Variants in JMJD1C observed in about 807,000 individuals in gnomAD.
JMJD1C encodes jumonji domain-containing protein 1C.
A neutral mutation model predicts 245.3 loss-of-function variants in JMJD1C; 31 were observed. The ratio of observed to expected loss-of-function variants is 0.13; its 90% CI spans 0.09 to 0.17. JMJD1C has a LOEUF of 0.17. Ranked by LOEUF, JMJD1C falls within the 10% of genes least tolerant of loss-of-function variation. The probability of loss-of-function intolerance (pLI) is 1.00; values close to 1 mark genes in which losing one functional copy is unlikely to be tolerated. For synonymous variants in JMJD1C, 1,057 were observed against 1,017.4 expected (o/e 1.04, Z -0.74); for missense variants, 2,691 against 3,000.2 (o/e 0.90, Z 2.41).
intron 1 of JMJD1C, among the ~76,000 whole-genome samples, chr10:63,476,189 G>A (rs1164336714): frequency 1.3e-5 from 2 of 150,634 alleles, no homozygotes; most frequent in African/African-American, 4.9e-5. Flanking sequence ...CAGCCTGGGC[G>A]ACAGAATGAG....
chr10:63,306,592 T>C (rs1000511234), intron 2 of JMJD1C, among the ~76,000 whole-genome samples: 5 of 152,206 alleles, frequency 3.3e-5, no homozygotes, highest in Admixed American at 1.3e-4. Flanking sequence ...AGTGTATATA[T>C]ACCTAGGCTT....
intron 1 of JMJD1C, among the ~76,000 whole-genome samples, chr10:63,458,178 A>G (rs1195445636): frequency 6.6e-6 from 1 of 152,182 alleles, no homozygotes; most frequent in Non-Finnish European, 1.5e-5. Context: ...TCAGATTAAG[A>G]ATTTTATATC....
Position 63,192,916 on chromosome 10 carries a change from CTAGA to C in JMJD1C, c.6076+18_6076+21del, listed in dbSNP as rs765688549. ...TATACTATACTCCTCTCACACATGC[CTAGA>C]TAATCAATTATGTTTACCTTTTTTT... On this transcript the variant is annotated intron_variant, in intron 16 of 25. Coordinates refer to ENST00000399262, the MANE Select transcript of JMJD1C (RefSeq NM_032776.3). 1.9e-6 allele frequency: 3 copies of C among 1,555,474 alleles called. No homozygotes were observed. The highest frequency in any genetic ancestry group is 1.1e-5 in the South Asian group (1 of 89,820).
chr10:63,229,516 A>G (rs1849715640), intron 3 of JMJD1C, among the ~76,000 whole-genome samples: 1 of 152,178 alleles, frequency 6.6e-6, no homozygotes. Flanking sequence ...AATCAAGAAG[A>G]TAATATAAAA....
At chr10:63,403,843 G>A (rs566936182) in intron 1 of JMJD1C, among the ~76,000 whole-genome samples, 2 of 152,318 alleles carry the variant, frequency 1.3e-5, no homozygotes, top group South Asian at 4.1e-4. Context: ...AGCTGAGGCA[G>A]GAGAATCATT....
rs536445125 is a variant in JMJD1C at position 63,174,824 on chromosome 10, G to C, written c.7401+1473C>G. On this transcript the variant is annotated intron_variant, in intron 24 of 25. Coordinates refer to ENST00000399262, the MANE Select transcript of JMJD1C (RefSeq NM_032776.3). ...GCTCTAGCCTGGGCAACAAGAGCAA[G>C]ACTCTGTCTCAAAAAAACAAAAAAC... Among the ~76,000 whole-genome samples the C allele has an allele frequency of 6.0e-5, 9 of 150,996 alleles. No homozygotes were observed. In the South Asian group the frequency reaches 1.9e-3, roughly 32 times the overall value.
chr10:63,220,959 A>G (rs1325420547), intron 3 of JMJD1C, among the ~76,000 whole-genome samples: 1 of 151,434 alleles, frequency 6.6e-6, no homozygotes, highest in Non-Finnish European at 1.5e-5. Context: ...ATACAAAAAA[A>G]TATTAGCTGG....
chr10:63,193,471 A>C lies in JMJD1C; in HGVS notation c.5736T>G (p.Val1912=). Residue 1912 remains valine (V), a splice_region_variant and synonymous_variant, in exon 15 of 26, where the codon GTT becomes GTG. Transcript: ENST00000399262. The stretch of plus-strand genomic sequence containing the variant: ...GCATGGCATCTAGAAGATCTGTCAA[A>C]ACTACAAAATAAAATGGTAGTTAAT... The part of the protein sequence containing the change: ...LMPTQIIPGS[V]LTDLLDAMHT... 2.5e-6 allele frequency: 4 copies of C among 1,577,800 alleles called. No homozygotes were observed. Among genetic ancestry groups the C allele is most frequent in the Non-Finnish European group, 8.6e-7 (1 of 1,162,432 alleles).
intron 2 of JMJD1C, among the ~76,000 whole-genome samples, chr10:63,373,699 C>G (rs1464127623): frequency 6.6e-6 from 1 of 152,208 alleles, no homozygotes; most frequent in Non-Finnish European, 1.5e-5. Flanking sequence ...TTAGTTTCTA[C>G]TGTTTCATTC....
At chr10:63,324,230 A>G (rs907596443) in intron 2 of JMJD1C, among the ~76,000 whole-genome samples, 1 of 151,880 alleles carries the variant, frequency 6.6e-6, no homozygotes, top group Non-Finnish European at 1.5e-5. Context: ...TGCTTACAAC[A>G]TAAAATGAAC....
intron 2 of JMJD1C, among the ~76,000 whole-genome samples, chr10:63,308,550 G>A (rs1403708539): frequency 6.7e-6 from 1 of 148,688 alleles, no homozygotes; most frequent in East Asian, 2.0e-4. Flanking sequence ...ACAAAACCAA[G>A]ATTTGTATTA....
intron 1 of JMJD1C, among the ~76,000 whole-genome samples, chr10:63,431,780 G>A (rs917436045): frequency 1.1e-4 from 17 of 152,178 alleles, no homozygotes; most frequent in Admixed American, 4.6e-4. Flanking sequence ...TTGGGAGGCC[G>A]AGGCGGGCGG....
chr10:63,461,730 T>C (rs1952812824), intron 1 of JMJD1C, among the ~76,000 whole-genome samples: 1 of 152,146 alleles, frequency 6.6e-6, no homozygotes, highest in South Asian at 2.1e-4. Flanking sequence ...ACATATTTTA[T>C]TAAATACTTA....
At chr10:63,420,793 G>A (rs1950082401) in intron 1 of JMJD1C, among the ~76,000 whole-genome samples, 1 of 149,922 alleles carries the variant, frequency 6.7e-6, no homozygotes, top group Non-Finnish European at 1.5e-5. Context: ...AAAGAGAACT[G>A]CAAAACAGAC....
chr10:63,439,472 A>G (rs761061442), intron 1 of JMJD1C, among the ~76,000 whole-genome samples: 40 of 152,178 alleles, frequency 2.6e-4, no homozygotes, highest in Non-Finnish European at 2.9e-5. Context: ...AAATTTATTT[A>G]TTTCATTACT....
At chr10:63,394,802 C>G (rs1439855171) in intron 1 of JMJD1C, among the ~76,000 whole-genome samples, 1 of 150,962 alleles carries the variant, frequency 6.6e-6, no homozygotes, top group Non-Finnish European at 1.5e-5. Context: ...GGAGATCACG[C>G]CATTGCACTC....
intron 3 of JMJD1C, among the ~76,000 whole-genome samples, chr10:63,228,144 T>TA (rs927894736): frequency 6.6e-6 from 1 of 152,164 alleles, no homozygotes; most frequent in Non-Finnish European, 1.5e-5. Flanking sequence ...GTTAATATAT[T>TA]AGGCTTTATG....
intron 1 of JMJD1C, among the ~76,000 whole-genome samples, chr10:63,493,828 G>A (rs978514295): frequency 2.0e-5 from 3 of 152,192 alleles, no homozygotes; most frequent in Middle Eastern, 3.4e-3. Context: ...GAAAGGAACT[G>A]GGAAAATAAC....
intron 2 of JMJD1C, among the ~76,000 whole-genome samples, chr10:63,282,385 A>G (rs545073867): frequency 1.3e-5 from 2 of 152,362 alleles, no homozygotes; most frequent in East Asian, 1.9e-4. Context: ...GTAAAGTAAT[A>G]ACAAAGTAAT....
Sources: allele counts gnomAD v4.1 joint callset (sites outside exome capture counted in the v4.1 genomes callset), GRCh38; gene constraint gnomAD v4.1.1; transcripts MANE v1.5; gene names NCBI Gene and HGNC (gene_info 2026-07-23, HGNC 2026-07-21).